The following TNIP1 variants were observed in gnomAD, a reference collection of about 807,000 sequenced individuals.
The protein encoded by TNIP1 is TNFAIP3 interacting protein 1.
TNIP1 carries 22 observed loss-of-function variants against 86.6 expected under a neutral mutation model. That is an observed-to-expected ratio of 0.25 (90% CI 0.18 to 0.36). TNIP1 has a LOEUF of 0.36. Ranked by LOEUF, TNIP1 falls within the 10% of genes least tolerant of loss-of-function variation. The pLI is 1.00. For missense variants in TNIP1, 709 were observed against 820.6 expected (o/e 0.86, Z 1.66); for synonymous variants, 294 against 313.0 (o/e 0.94, Z 0.64).
chr5:151,055,627 C>T (rs1259346634), intron 6 of TNIP1, among the ~76,000 whole-genome samples: 1 of 152,236 alleles, frequency 6.6e-6, no homozygotes, highest in Non-Finnish European at 1.5e-5. Flanking sequence ...CTCCTCTACC[C>T]CCACACCTCT....
chr5:151,034,980 T>C, intron 15 of TNIP1, 22 bp downstream of exon 15: 1 of 1,613,790 alleles, frequency 6.2e-7, no homozygotes, highest in Non-Finnish European at 8.5e-7. Flanking sequence ...TCAGTGCTGC[T>C]ACCTCCCTCA....
At chr5:151,065,259 G>A (rs1324560931) in intron 1 of TNIP1, 128 bp from the exon 2 acceptor site, 3 of 742,344 alleles carry the variant, frequency 4.0e-6, no homozygotes, top group African/African-American at 1.8e-5. Context: ...CCATATTATA[G>A]TAAAGCAGGA....
Position 151,030,137 on chromosome 5 carries a change from T to A in TNIP1, c.*576A>T. 1 of 456,846 alleles carries A rather than the reference T, an allele frequency of 2.2e-6. No homozygotes were observed. Among genetic ancestry groups the A allele is most frequent in the South Asian group, 1.5e-5 (1 of 64,562 alleles). 28.3% of individuals were successfully genotyped at this position (456,846 alleles called of 1,614,324 possible). A position where few individuals can be genotyped will look rare whatever the true frequency, so the allele number is the denominator to read the frequency against. On this transcript the variant is annotated 3_prime_UTR_variant, in exon 18 of 18. Transcript: ENST00000521591. ...GGCTGGCATGGCCTTCTCCCATCTG[T>A]GATGGCTTCAGCAAGGCTACTGTGA...
At chr5:151,034,366 A>C (rs575125329) in intron 15 of TNIP1, 76 of 306,066 alleles carry the variant, frequency 2.5e-4, no homozygotes, top group South Asian at 1.8e-3. Flanking sequence ...AGGCTGGTAC[A>C]TGGGCACGGA....
Position 151,052,235 on chromosome 5 carries a change from C to T in TNIP1, c.652G>A (p.Glu218Lys). 6.2e-7 allele frequency: 1 copy of T among 1,614,072 alleles called. No homozygotes were observed. The highest frequency in any genetic ancestry group is 2.2e-5 in the East Asian group (1 of 44,868). The change falls in exon 7 of 18, where the codon GAG (glutamate) becomes AAG (lysine). Residue 218 changes from glutamate to lysine, a missense_variant. Transcript: ENST00000521591. Reference sequence around the variant, plus strand: ...AACTTGGCCTTCAGAGCCTCGTTCTCCTTCCGAAGCTGCTCACACAGGGTC... The same window carrying T: ...AACTTGGCCTTCAGAGCCTCGTTCTTCTTCCGAAGCTGCTCACACAGGGTC... ...LQTLCEQLRK[E>K]NEALKAKLDK...
Position 151,049,937 on chromosome 5 carries a change from A to T in TNIP1, c.733T>A (p.Leu245Met), listed in dbSNP as rs375892201. Residue 245 changes from leucine to methionine, a missense_variant, in exon 8 of 18, where the codon TTG (leucine) becomes ATG (methionine). Physicochemically the swap from Leu to Met is conservative, Grantham distance 15. Coordinates refer to ENST00000521591, the MANE Select transcript of TNIP1 (RefSeq NM_006058.5). ...CTCATCAACAACTTCTTGAGCTCCA[A>T]ATTTTCCTCCCTGGGATGGAGGTAA... ...QAAERLREENLELKKLLMSNG... is the reference protein window; with the variant it reads ...QAAERLREENMELKKLLMSNG... 4.0e-5 allele frequency: 65 copies of T among 1,613,924 alleles called. No individual in the cohort carries two copies. Among genetic ancestry groups the T allele is most frequent in the Non-Finnish European group, 5.3e-5 (62 of 1,179,982 alleles).
intron 6 of TNIP1, among the ~76,000 whole-genome samples, chr5:151,056,022 CT>C (rs769893512): frequency 4.1e-4 from 62 of 152,356 alleles, no homozygotes; most frequent in South Asian, 1.0e-3. Flanking sequence ...AGGTTCTGGA[CT>C]GCACTGGGTG....
At chr5:151,052,333 G>A in intron 6 of TNIP1, 74 bp from the exon 7 acceptor site, 2 of 1,303,060 alleles carry the variant, frequency 1.5e-6, no homozygotes, top group Non-Finnish European at 1.1e-6. Context: ...CTAGAGGATG[G>A]TGGGGGGCCT....
At chr5:151,031,866 A>G (rs1756943836) in intron 17 of TNIP1, among the ~76,000 whole-genome samples, 1 of 151,986 alleles carries the variant, frequency 6.6e-6, no homozygotes, top group Non-Finnish European at 1.5e-5. Flanking sequence ...GAGAGTCTCA[A>G]CTCAAATGCT....
chr5:151,041,891 T>C (rs2113396929), intron 11 of TNIP1, among the ~76,000 whole-genome samples: 1 of 151,274 alleles, frequency 6.6e-6, no homozygotes, highest in African/African-American at 2.4e-5. Flanking sequence ...TGCTGAACAC[T>C]TGGCAGCATC....
intron 5 of TNIP1, among the ~76,000 whole-genome samples, chr5:151,058,583 C>A (rs183517335): frequency 3.3e-5 from 5 of 152,212 alleles, no homozygotes; most frequent in Non-Finnish European, 5.9e-5. Context: ...CCTGAACCCA[C>A]ACACACCAGG....
chr5:151,072,192 T>A (rs1762892781), intron 1 of TNIP1, among the ~76,000 whole-genome samples: 1 of 152,176 alleles, frequency 6.6e-6, no homozygotes. Context: ...TGCTCTACAC[T>A]GCCTGGAGAG....
At chr5:151,069,554 T>G (rs909180766) in intron 1 of TNIP1, among the ~76,000 whole-genome samples, 5 of 152,144 alleles carry the variant, frequency 3.3e-5, no homozygotes, top group African/African-American at 1.2e-4. Context: ...CAGCTATCCC[T>G]GCAACCCTGG....
At chr5:151,084,444 C>CAAAA (rs56889305), upstream of TNIP1, among the ~76,000 whole-genome samples, 1 of 132,462 alleles carries the variant, frequency 7.5e-6, no homozygotes. Context: ...GACTTCGTCT[C>CAAAA]AAAAAAAAAA....
At position 151,035,071 on chromosome 5, in the gene TNIP1, A is replaced by C. The variant is rs1322698773; in HGVS notation, c.1522-4T>G. On this transcript the variant is annotated splice_region_variant and splice_polypyrimidine_tract_variant and intron_variant, in intron 14 of 17. Transcript: ENST00000521591. ...CCTCATCTTTGAATGCTTTTAGCTG[A>C]GAGAAGAAGGGAGGGAGAAAAGACT... 1.3e-5 allele frequency: 21 copies of C among 1,613,366 alleles called. No individual in the cohort carries two copies. The highest frequency in any genetic ancestry group is 1.7e-5 in the Non-Finnish European group (20 of 1,179,694).
chr5:151,063,961 G>A (rs183413612), intron 2 of TNIP1, among the ~76,000 whole-genome samples: 6 of 152,240 alleles, frequency 3.9e-5, no homozygotes, highest in East Asian at 1.9e-4. Flanking sequence ...CCCAGCAATC[G>A]GGGGACACAG....
chr5:151,081,889 G>T (rs1764054214), upstream of TNIP1, among the ~76,000 whole-genome samples: 1 of 152,086 alleles, frequency 6.6e-6, no homozygotes, highest in Non-Finnish European at 1.5e-5. Context: ...CTTTTTAAAA[G>T]CTTATCCTTT....
intron 5 of TNIP1, among the ~76,000 whole-genome samples, chr5:151,058,075 T>C (rs1437169203): frequency 6.6e-6 from 1 of 152,158 alleles, no homozygotes; most frequent in Admixed American, 6.5e-5. Context: ...TGTGCACCAC[T>C]ACACCAAGCT....
upstream of TNIP1, among the ~76,000 whole-genome samples, chr5:151,084,136 AG>A (rs1362508413): frequency 6.6e-6 from 1 of 152,232 alleles, no homozygotes; most frequent in Non-Finnish European, 1.5e-5. Flanking sequence ...CCAGGCTTGA[AG>A]GGTCTTTAGA....
Sources: gnomAD v4.1 joint callset for allele counts (sites outside exome capture counted in the v4.1 genomes callset) on GRCh38, gnomAD v4.1.1 for gene constraint, MANE v1.5 for transcripts, NCBI Gene and HGNC (gene_info 2026-07-23, HGNC 2026-07-21) for gene names.